The following PPP1R1B variants were observed in gnomAD, a reference collection of about 807,000 sequenced individuals.
PPP1R1B encodes the protein protein phosphatase 1 regulatory subunit 1B.
Under a neutral mutation model 28.2 loss-of-function variants are expected in PPP1R1B, and 13 were observed. The observed-to-expected ratio is 0.46, with a 90% CI of 0.30 to 0.73. The LOEUF is 0.73. PPP1R1B is among the 30% of genes least tolerant of loss of function. PPP1R1B has a pLI of 0.07. For synonymous variants in PPP1R1B, 102 were observed against 97.5 expected, an observed-to-expected ratio of 1.05 and a Z score of -0.27; for missense variants, 236 against 256.7, an observed-to-expected ratio of 0.92 and a Z score of 0.55.
chr17:39,628,179 CA>C (rs1387200754), intron 1 of PPP1R1B, among the ~76,000 whole-genome samples: 5 of 151,958 alleles, frequency 3.3e-5, no homozygotes, highest in Non-Finnish European at 5.9e-5. Flanking sequence ...CCTAGTGGAG[CA>C]GGGGTCACTT....
intron 1 of PPP1R1B, among the ~76,000 whole-genome samples, 175 bp downstream of exon 1, chr17:39,627,648 C>G (rs1391271926): frequency 2.0e-5 from 3 of 151,926 alleles, no homozygotes; most frequent in Admixed American, 6.5e-5. Flanking sequence ...GCTGGAGACT[C>G]GTGCAACTTT....
chr17:39,634,161 T>C, intron 5 of PPP1R1B, 75 bp downstream of exon 5: 1 of 1,578,140 alleles, frequency 6.3e-7, no homozygotes, highest in East Asian at 2.2e-5. Flanking sequence ...CCCTTCTAGT[T>C]CAGTGTCTCA....
intron 5 of PPP1R1B, 39 bp from the exon 6 acceptor site, chr17:39,635,568 G>T: frequency 6.3e-7 from 1 of 1,597,912 alleles, no homozygotes; most frequent in Non-Finnish European, 8.6e-7. Flanking sequence ...GGATGGATAC[G>T]CAGAGCCTGT....
At chr17:39,633,690 C>T in intron 4 of PPP1R1B, 193 bp from the exon 5 acceptor site, 1 of 853,586 alleles carries the variant, frequency 1.2e-6, no homozygotes, top group African/African-American at 1.7e-5. Context: ...AAATCTACCC[C>T]TGGCTGCCTC....
chr17:39,633,691 TG>T, intron 4 of PPP1R1B, 191 bp from the exon 5 acceptor site: 1 of 862,020 alleles, frequency 1.2e-6, no homozygotes, highest in Non-Finnish European at 1.7e-6. Context: ...AATCTACCCC[TG>T]GCTGCCTCTG....
intron 1 of PPP1R1B, chr17:39,628,404 A>C: frequency 3.7e-6 from 2 of 538,892 alleles, no homozygotes; most frequent in African/African-American, 2.3e-5. Context: ...CAGGGACCTA[A>C]TTAACTGACA....
intron 4 of PPP1R1B, chr17:39,630,283 A>G (rs1308563722): frequency 3.8e-6 from 2 of 520,856 alleles, no homozygotes; most frequent in African/African-American, 1.9e-5. Context: ...TGGGCTTGAA[A>G]GAAAAGAGAT....
chr17:39,634,856 C>T (rs1172409978), intron 5 of PPP1R1B, among the ~76,000 whole-genome samples: 3 of 152,226 alleles, frequency 2.0e-5, no homozygotes, highest in Admixed American at 1.3e-4. Flanking sequence ...ACTGAGACCC[C>T]TCCAAAACAG....
At chr17:39,635,266 C>A (rs2056909350) in intron 5 of PPP1R1B, among the ~76,000 whole-genome samples, 2 of 152,068 alleles carry the variant, frequency 1.3e-5, no homozygotes, top group Admixed American at 1.3e-4. Flanking sequence ...AGAAGGGCAC[C>A]GGGTCAAATG....
At chr17:39,634,199 G>T in intron 5 of PPP1R1B, 113 bp downstream of exon 5, 8 of 1,346,004 alleles carry the variant, frequency 5.9e-6, no homozygotes, top group Non-Finnish European at 8.3e-6. Context: ...GACACCACAG[G>T]GGCCTCCCTG....
rs1358082968 is a variant in PPP1R1B, at chr17:39,627,247, G to A, written c.-146G>A. ...CCTCCCGCTCCCGCGCCCTCCCCTC[G>A]GCGGGCACGGTATTTTTATCCGTGC... On this transcript the variant is annotated 5_prime_UTR_variant, in exon 1 of 7. Coordinates refer to ENST00000254079, the MANE Select transcript of PPP1R1B (RefSeq NM_032192.4). The A allele has an allele frequency of 3.6e-6, 2 of 559,204 alleles. No homozygotes were observed. The highest frequency in any genetic ancestry group is 2.7e-5 in the South Asian group (1 of 36,828). 34.6% of individuals were successfully genotyped at this position (559,204 alleles called of 1,614,324 possible).
At chr17:39,631,540 G>A (rs1046729784) in intron 4 of PPP1R1B, among the ~76,000 whole-genome samples, 1 of 152,146 alleles carries the variant, frequency 6.6e-6, no homozygotes, top group Non-Finnish European at 1.5e-5. Flanking sequence ...CTTCCTGCCC[G>A]GCCAGCCCCC....
At chr17:39,628,317 A>G (rs895725139) in intron 1 of PPP1R1B, among the ~76,000 whole-genome samples, 13 of 151,814 alleles carry the variant, frequency 8.6e-5, no homozygotes, top group African/African-American at 3.1e-4. Context: ...TGAGGGTGTC[A>G]TGGGGAGCTT....
intron 1 of PPP1R1B, among the ~76,000 whole-genome samples, 187 bp downstream of exon 1, chr17:39,627,660 C>T (rs2056847362): frequency 1.3e-5 from 2 of 152,142 alleles, no homozygotes; most frequent in African/African-American, 4.8e-5. Context: ...TGCAACTTTT[C>T]CCCGCGGCTT....
rs1161651631 is a variant in PPP1R1B at position 39,627,417 on chromosome 17, A to C, written c.25A>C (p.Ile9Leu). 3.1e-6 allele frequency: 5 copies of C among 1,603,454 alleles called. No homozygotes were observed. In the South Asian group the frequency reaches 3.3e-5, roughly 11 times the overall value. ...CATGGACCCCAAGGACCGCAAGAAG[A>C]TCCAGTTCTCGGTGCCCGCGCCCCC... MDPKDRKK[I>L]QFSVPAPPSQ... Residue 9 changes from isoleucine to leucine, a missense_variant, in exon 1 of 7, where the codon ATC becomes CTC. Coordinates refer to ENST00000254079, the MANE Select transcript of PPP1R1B (RefSeq NM_032192.4).
At chr17:39,631,040 G>A (rs1398582853) in intron 4 of PPP1R1B, among the ~76,000 whole-genome samples, 3 of 151,894 alleles carry the variant, frequency 2.0e-5, no homozygotes, top group African/African-American at 7.3e-5. Context: ...TTGCACTCCA[G>A]TCTGGGCAAA....
chr17:39,634,528 T>C (rs3764353), intron 5 of PPP1R1B, among the ~76,000 whole-genome samples: 91,714 of 152,120 alleles, frequency 0.6, 31,377 homozygotes, highest in Non-Finnish European at 0.77. Context: ...TTACTTGCCC[T>C]CTCCAGGACT....
At chr17:39,633,418 G>C (rs929658599) in intron 4 of PPP1R1B, 1 of 196,014 alleles carries the variant, frequency 5.1e-6, no homozygotes, top group Non-Finnish European at 1.1e-5. Context: ...TAAGCAGTGA[G>C]CCCTCAGCAG....
At chr17:39,633,615 C>T in intron 4 of PPP1R1B, 1 of 424,082 alleles carries the variant, frequency 2.4e-6, no homozygotes, top group South Asian at 2.3e-5. Context: ...AGCCTAGTGC[C>T]CTATGGTGTG....
Sources: allele counts gnomAD v4.1 joint callset (sites outside exome capture counted in the v4.1 genomes callset), GRCh38; gene constraint gnomAD v4.1.1; transcripts MANE v1.5; gene names NCBI Gene and HGNC (gene_info 2026-07-23, HGNC 2026-07-21).